Variants in HK2 observed in about 807,000 individuals in gnomAD.
HK2 encodes hexokinase 2.
Under a neutral mutation model 92.9 loss-of-function variants are expected in HK2, and 42 were observed. The ratio of observed to expected loss-of-function variants is 0.45; its 90% CI spans 0.35 to 0.58. The LOEUF (loss-of-function observed/expected upper bound fraction) is 0.58, where lower values mean the gene tolerates loss of function less well. Ranked by LOEUF, HK2 falls within the 20% of genes least tolerant of loss-of-function variation. The pLI is 0.00. For synonymous variants in HK2, 422 were observed against 468.0 expected (o/e 0.90, Z 1.27); for missense variants, 978 against 1,245.1 (o/e 0.79, Z 3.23).
intron 2 of HK2, among the ~76,000 whole-genome samples, chr2:74,856,803 G>C (rs28362987): frequency 0.026 from 3,915 of 152,318 alleles, 177 homozygotes; most frequent in African/African-American, 0.09. Flanking sequence ...CAAAGTTCAG[G>C]CATCGGTACT....
rs566496843 is a variant in HK2, at chr2:74,851,644, C to T, written c.64-2649C>T. ...CAGGAACTCCTGTGCCCTTTGCAAA[C>T]ACCTGAAGCCTTCCATAGAGGGTGG... On this transcript the variant is annotated intron_variant, in intron 1 of 17. Coordinates refer to ENST00000290573, the MANE Select transcript of HK2 (RefSeq NM_000189.5). 8.3e-4 allele frequency among the ~76,000 whole-genome samples: 126 copies of T among 152,318 alleles called. No homozygotes were observed. The South Asian group carries it at 0.017, about 21-fold the overall frequency.
intron 2 of HK2, among the ~76,000 whole-genome samples, chr2:74,866,865 C>T (rs986250416): frequency 2.6e-5 from 4 of 152,202 alleles, no homozygotes; most frequent in African/African-American, 7.2e-5. Context: ...CCTCATTCCA[C>T]TCCATCACAT....
chr2:74,875,329 T>A (rs1338307452), intron 7 of HK2, among the ~76,000 whole-genome samples: 1 of 136,966 alleles, frequency 7.3e-6, no homozygotes, highest in Admixed American at 7.0e-5. Flanking sequence ...TTGCTTTCGT[T>A]TTTTTTTTTT....
At chr2:74,860,139 G>C (rs1688790035) in intron 2 of HK2, among the ~76,000 whole-genome samples, 1 of 141,954 alleles carries the variant, frequency 7.0e-6, no homozygotes, top group African/African-American at 2.6e-5. Flanking sequence ...ATAGAAAGTG[G>C]AATGATAGAC....
chr2:74,879,090 A>C (rs1272217231), intron 9 of HK2, among the ~76,000 whole-genome samples, 169 bp downstream of exon 9: 1 of 152,028 alleles, frequency 6.6e-6, no homozygotes, highest in Non-Finnish European at 1.5e-5. Flanking sequence ...AATGGGAGGA[A>C]GTCATATCTG....
chr2:74,889,759 A>G (rs1573394998), intron 17 of HK2, among the ~76,000 whole-genome samples: 1 of 150,790 alleles, frequency 6.6e-6, no homozygotes, highest in Non-Finnish European at 1.5e-5. Flanking sequence ...TTTCTTTTCC[A>G]CCCCCATATA....
At chr2:74,882,617 A>G (rs1375522273) in intron 12 of HK2, among the ~76,000 whole-genome samples, 2 of 137,744 alleles carry the variant, frequency 1.5e-5, no homozygotes, top group African/African-American at 5.4e-5. Flanking sequence ...ATATATATAT[A>G]TATAGCATTT....
At position 74,886,279 on chromosome 2, in the gene HK2, C is replaced by CT. The variant is rs1400464872; in HGVS notation, c.1936-13dup. 6.2e-7 allele frequency: 1 copy of CT among 1,606,798 alleles called. No homozygotes were observed. The highest frequency in any genetic ancestry group is 1.3e-5 in the African/African-American group (1 of 74,806). Reference sequence around the variant, plus strand: ...GGTTCACCTGTGAACTGGGCATCTGCTTCTTCCCTCTCAGGAGTTTGACCT... The same window carrying CT: ...GGTTCACCTGTGAACTGGGCATCTGCTTTCTTCCCTCTCAGGAGTTTGACCT... On this transcript the variant is annotated splice_polypyrimidine_tract_variant and intron_variant, in intron 13 of 17. Coordinates refer to ENST00000290573, the MANE Select transcript of HK2 (RefSeq NM_000189.5).
At chr2:74,862,640 C>T (rs886343973) in intron 2 of HK2, among the ~76,000 whole-genome samples, 5 of 152,206 alleles carry the variant, frequency 3.3e-5, no homozygotes, top group Non-Finnish European at 5.9e-5. Context: ...CGGAGACATA[C>T]ATCCAGAGCT....
chr2:74,876,265 C>A (rs1220960288), intron 7 of HK2, among the ~76,000 whole-genome samples: 1 of 152,156 alleles, frequency 6.6e-6, no homozygotes, highest in Non-Finnish European at 1.5e-5. Flanking sequence ...CCTTGGAATC[C>A]CTTCCACATC....
chr2:74,869,522 G>A (rs958542693), intron 3 of HK2, among the ~76,000 whole-genome samples: 5 of 152,214 alleles, frequency 3.3e-5, no homozygotes, highest in African/African-American at 4.8e-5. Flanking sequence ...TGGGCAATGG[G>A]GGTCCTTCGG....
intron 2 of HK2, among the ~76,000 whole-genome samples, chr2:74,859,139 A>T (rs996499483): frequency 2.0e-5 from 3 of 152,222 alleles, no homozygotes; most frequent in African/African-American, 7.2e-5. Context: ...TCTATATTTT[A>T]CTTGGTTTGC....
Position 74,886,552 on chromosome 2 carries a change from GA to G in HK2, c.2099del (p.Glu700GlyfsTer6). 6.2e-7 allele frequency: 1 copy of G among 1,614,020 alleles called. No individual in the cohort carries two copies. On this transcript the variant is annotated frameshift_variant, in exon 15 of 18. Transcript: ENST00000290573. LOFTEE classifies it high-confidence loss of function. ...MRNVELVEGE[E>X]GRMCVNMEWG... Reference sequence around the variant, plus strand: ...CAACGTGGAACTGGTGGAAGGAGAAGAGGGGCGGATGTGTGTGAACATGGAA... The same window carrying G: ...CAACGTGGAACTGGTGGAAGGAGAAGGGGGCGGATGTGTGTGAACATGGAA...
At chr2:74,861,200 G>A (rs1373983506) in intron 2 of HK2, among the ~76,000 whole-genome samples, 1 of 152,092 alleles carries the variant, frequency 6.6e-6, no homozygotes, top group Admixed American at 6.5e-5. Context: ...GGCCAAGGTG[G>A]GTGGATCACT....
chr2:74,850,130 G>T (rs909086461), intron 1 of HK2, among the ~76,000 whole-genome samples: 1 of 152,200 alleles, frequency 6.6e-6, no homozygotes, highest in African/African-American at 2.4e-5. Flanking sequence ...GGCCAACCAC[G>T]ATCACGTTAT....
intron 2 of HK2, among the ~76,000 whole-genome samples, chr2:74,862,538 A>G (rs574348091): frequency 6.6e-6 from 1 of 152,190 alleles, no homozygotes; most frequent in South Asian, 2.1e-4. Context: ...TGATAAAGGG[A>G]GACCGGGCTG....
chr2:74,878,272 C>T (rs1689281336), intron 8 of HK2, among the ~76,000 whole-genome samples: 1 of 152,212 alleles, frequency 6.6e-6, no homozygotes, highest in African/African-American at 2.4e-5. Flanking sequence ...ACAGCAGAGA[C>T]ACTGTCTGTC....
At chr2:74,879,150 C>T (rs1689318391) in intron 9 of HK2, among the ~76,000 whole-genome samples, 1 of 152,172 alleles carries the variant, frequency 6.6e-6, no homozygotes, top group African/African-American at 2.4e-5. Flanking sequence ...GGGCTCTCCG[C>T]AGAGCTCCTC....
chr2:74,854,260 G>A, intron 1 of HK2, 33 bp from the exon 2 acceptor site: 1 of 1,608,188 alleles, frequency 6.2e-7, no homozygotes. Flanking sequence ...TATTTAACCA[G>A]TGGTTTCTGC....
Sources: allele counts gnomAD v4.1 joint callset (sites outside exome capture counted in the v4.1 genomes callset), GRCh38; gene constraint gnomAD v4.1.1; transcripts MANE v1.5; gene names NCBI Gene and HGNC (gene_info 2026-07-23, HGNC 2026-07-21).